The following SLC14A2 variants were observed in gnomAD, a reference collection of about 807,000 sequenced individuals.
The protein encoded by SLC14A2 is urea transporter 2.
In SLC14A2, 91 loss-of-function variants were observed where a neutral mutation model predicts 104.6. The ratio of observed to expected loss-of-function variants is 0.87; its 90% CI spans 0.73 to 1.04. The LOEUF (loss-of-function observed/expected upper bound fraction) is 1.04. Among genes scored for constraint, SLC14A2 ranks in the 50% least tolerant of loss-of-function variants. The pLI, the probability that SLC14A2 is intolerant of heterozygous loss-of-function variation, is 0.00. For missense variants in SLC14A2, 1,189 were observed against 1,156.0 expected (o/e 1.03, Z -0.41); for synonymous variants, 476 against 466.4 (o/e 1.02, Z -0.27).
At chr18:45,508,120 T>C (rs974987639) in intron 2 of SLC14A2, among the ~76,000 whole-genome samples, 1 of 152,154 alleles carries the variant, frequency 6.6e-6, no homozygotes, top group African/African-American at 2.4e-5. Context: ...CTCTGAAAAA[T>C]TGTTCTGCGT....
In SLC14A2 at chr18:45,317,071, C is replaced by T. The variant is rs149352064; in HGVS notation, c.-125+103880C>T. ...GGTCCAGCTGATTCCAAATTCTGAG[C>T]TGTGTACCACAGCTTTCTAATACCT... is the stretch of plus-strand genomic sequence containing the variant. On this transcript the variant is annotated intron_variant, in intron 1 of 20. Coordinates refer to the SLC14A2 transcript ENST00000586448. Among the ~76,000 whole-genome samples, 51 of 152,322 alleles carry T rather than the reference C, an allele frequency of 3.3e-4. 1 individual carries two copies. Among genetic ancestry groups the T allele is most frequent in the Non-Finnish European group, 6.5e-4 (44 of 68,020 alleles).
intron 1 of SLC14A2, among the ~76,000 whole-genome samples, chr18:45,287,459 G>A (rs868539798): frequency 5.3e-5 from 8 of 152,208 alleles, no homozygotes; most frequent in South Asian, 2.1e-4. Context: ...GCAGCAACTC[G>A]TGGCCCACAG....
intron 1 of SLC14A2, among the ~76,000 whole-genome samples, chr18:45,359,301 G>C (rs2085586948): frequency 1.3e-5 from 2 of 152,178 alleles, no homozygotes; most frequent in Non-Finnish European, 2.9e-5. Context: ...ACTGTGAAAA[G>C]AGATGGGAAG....
At chr18:45,223,423 C>T (rs1250135799) in intron 1 of SLC14A2, among the ~76,000 whole-genome samples, 1 of 151,934 alleles carries the variant, frequency 6.6e-6, no homozygotes, top group Non-Finnish European at 1.5e-5. Context: ...ACCTAGAACA[C>T]AAGGGAAAAA....
chr18:45,223,903 A>G (rs1366454029), intron 1 of SLC14A2, among the ~76,000 whole-genome samples: 1 of 152,216 alleles, frequency 6.6e-6, no homozygotes, highest in Non-Finnish European at 1.5e-5. Flanking sequence ...GATGAGAAAC[A>G]TAATATACAT....
At chr18:45,536,384 T>C (rs1322222635) in intron 2 of SLC14A2, among the ~76,000 whole-genome samples, 1 of 152,202 alleles carries the variant, frequency 6.6e-6, no homozygotes, top group Non-Finnish European at 1.5e-5. Flanking sequence ...AATCAAGGTG[T>C]TGGCAAAGTT....
chr18:45,286,724 G>GTGTGTGTGTGTGTC (rs2084818496), intron 1 of SLC14A2, among the ~76,000 whole-genome samples: 1 of 152,110 alleles, frequency 6.6e-6, no homozygotes, highest in Admixed American at 6.5e-5. Context: ...CAACTTGTGT[G>GTGTGTGTGTGTGTC]TGTGTGTGTG....
intron 4 of SLC14A2, among the ~76,000 whole-genome samples, chr18:45,630,786 C>T (rs754507712): frequency 2.0e-5 from 3 of 152,208 alleles, no homozygotes; most frequent in African/African-American, 4.8e-5. Flanking sequence ...CTCCATCCCA[C>T]CCACTGCCTG....
At chr18:45,673,343 A>G (rs2046173081) in intron 17 of SLC14A2, among the ~76,000 whole-genome samples, 2 of 152,230 alleles carry the variant, frequency 1.3e-5, no homozygotes, top group African/African-American at 2.4e-5. Context: ...ACAGCAAGAA[A>G]GATTCGTTCT....
chr18:45,175,617 C>A, the SLC14A2 span, among the ~76,000 whole-genome samples: 1 of 151,972 alleles, frequency 6.6e-6, no homozygotes, highest in Admixed American at 6.6e-5. Flanking sequence ...AAGCTGTTTT[C>A]TAAGGTGACA....
chr18:45,317,404 T>C (rs757015723), intron 1 of SLC14A2, among the ~76,000 whole-genome samples: 1 of 152,204 alleles, frequency 6.6e-6, no homozygotes, highest in Non-Finnish European at 1.5e-5. Context: ...TGTAGTCCAC[T>C]GTGGAAATTA....
intron 1 of SLC14A2, among the ~76,000 whole-genome samples, chr18:45,383,981 A>G (rs967970935): frequency 2.0e-5 from 3 of 152,198 alleles, no homozygotes; most frequent in Non-Finnish European, 4.4e-5. Flanking sequence ...AAAGACCAAT[A>G]TCAAGGATAA....
At chr18:45,647,989 A>G (rs183948277) in intron 10 of SLC14A2, 1 of 151,996 alleles carries the variant, frequency 6.6e-6, no homozygotes, top group East Asian at 1.9e-4. Flanking sequence ...CTATGTTCTT[A>G]TTTTTTTGTA....
chr18:45,531,270 G>A (rs1598967688), intron 2 of SLC14A2, among the ~76,000 whole-genome samples: 2 of 152,180 alleles, frequency 1.3e-5, no homozygotes, highest in African/African-American at 4.8e-5. Context: ...CTGAGGAATC[G>A]CCACACTGAC....
chr18:45,660,140 T>C (rs950743170), intron 10 of SLC14A2, among the ~76,000 whole-genome samples: 1 of 152,014 alleles, frequency 6.6e-6, no homozygotes. Context: ...CTCAAAAAAA[T>C]ATTAAAATGC....
chr18:45,263,055 C>T (rs1347657828), intron 1 of SLC14A2, among the ~76,000 whole-genome samples: 1 of 152,152 alleles, frequency 6.6e-6, no homozygotes, highest in Non-Finnish European at 1.5e-5. Context: ...TGAATTTCAT[C>T]AGTTTTTCCA....
At chr18:45,402,691 C>G (rs1186235201) in intron 1 of SLC14A2, among the ~76,000 whole-genome samples, 2 of 152,214 alleles carry the variant, frequency 1.3e-5, no homozygotes, top group Non-Finnish European at 2.9e-5. Context: ...CCAACCCCAC[C>G]TGCCATTTTG....
chr18:45,219,711 G>A (rs761821777), intron 1 of SLC14A2, among the ~76,000 whole-genome samples: 11 of 152,096 alleles, frequency 7.2e-5, no homozygotes, highest in South Asian at 2.1e-4. Flanking sequence ...TTTAACCTGC[G>A]TTTTTAAACT....
intron 10 of SLC14A2, among the ~76,000 whole-genome samples, chr18:45,653,877 T>G (rs2045783857): frequency 6.6e-6 from 1 of 151,798 alleles, no homozygotes; most frequent in African/African-American, 2.4e-5. Context: ...ATTAAGGGAG[T>G]TTATTGAGGT....
Sources: allele counts gnomAD v4.1 joint callset (sites outside exome capture counted in the v4.1 genomes callset), GRCh38; gene constraint gnomAD v4.1.1; transcripts MANE v1.5; gene names NCBI Gene and HGNC (gene_info 2026-07-23, HGNC 2026-07-21).